Variants in ARHGAP25 observed in about 807,000 individuals in gnomAD.
ARHGAP25 encodes the protein Rho GTPase activating protein 25.
ARHGAP25 carries 34 observed loss-of-function variants against 71.0 expected under a neutral mutation model. The ratio of observed to expected loss-of-function variants is 0.48; its 90% CI spans 0.36 to 0.64. The LOEUF (loss-of-function observed/expected upper bound fraction) is 0.64, where lower values mean the gene tolerates loss of function less well. Among genes scored for constraint, ARHGAP25 ranks in the 30% least tolerant of loss-of-function variants. The pLI is 0.00. For synonymous variants in ARHGAP25, 282 were observed against 296.5 expected, an observed-to-expected ratio of 0.95 and a Z score of 0.50; for missense variants, 706 against 805.1, an observed-to-expected ratio of 0.88 and a Z score of 1.49.
At chr2:68,775,919 T>G in intron 2 of ARHGAP25, 1 of 319,618 alleles carries the variant, frequency 3.1e-6, no homozygotes, top group Non-Finnish European at 6.1e-6. Flanking sequence ...AAGAAAAGTA[T>G]GTAGTTTGTT....
chr2:68,737,784 C>A (rs1184809299), intron 1 of ARHGAP25, among the ~76,000 whole-genome samples: 2 of 152,160 alleles, frequency 1.3e-5, no homozygotes, highest in African/African-American at 4.8e-5. Context: ...GGTGAAATAG[C>A]AAGACACTGA....
rs114701942 is a variant in ARHGAP25 at position 68,824,290 on chromosome 2, T to C, written c.1733+1418T>C. ...TGTCAGAGTCCTCTGAATCCATCAG[T>C]TGGGGAAGCCTCCCATCCCAGGCTC... On this transcript the variant is annotated intron_variant, in intron 10 of 10. Transcript: ENST00000409202. Among the ~76,000 whole-genome samples, 928 of 152,144 alleles carry C rather than the reference T, an allele frequency of 6.1e-3. 11 individuals carry two copies. The highest frequency in any genetic ancestry group is 0.021 in the African/African-American group (860 of 41,496).
intron 4 of ARHGAP25, among the ~76,000 whole-genome samples, chr2:68,798,817 C>T (rs1679757976): frequency 6.6e-6 from 1 of 151,942 alleles, no homozygotes; most frequent in Non-Finnish European, 1.5e-5. Flanking sequence ...GGTCCTGTGA[C>T]AGAAAGAAGA....
intron 5 of ARHGAP25, 109 bp from the exon 6 acceptor site, chr2:68,813,178 C>T: frequency 7.6e-7 from 1 of 1,313,814 alleles, no homozygotes; most frequent in South Asian, 1.6e-5. Flanking sequence ...TGCAAAATTT[C>T]CCTTTGTAAT....
At chr2:68,763,785 A>G (rs1247389913) in intron 1 of ARHGAP25, among the ~76,000 whole-genome samples, 4 of 152,062 alleles carry the variant, frequency 2.6e-5, no homozygotes, top group African/African-American at 4.8e-5. Context: ...TTCTGCAGAA[A>G]CTGTTCTACT....
intron 2 of ARHGAP25, among the ~76,000 whole-genome samples, chr2:68,724,696 C>T (rs1311220397): frequency 2.0e-5 from 3 of 152,212 alleles, no homozygotes; most frequent in Non-Finnish European, 4.4e-5. Flanking sequence ...GTTTACTGGG[C>T]ATCTTTGGCC....
intron 4 of ARHGAP25, among the ~76,000 whole-genome samples, chr2:68,793,548 A>G (rs909975908): frequency 6.6e-6 from 1 of 152,138 alleles, no homozygotes; most frequent in African/African-American, 2.4e-5. Flanking sequence ...TCTCCAGGGT[A>G]TGTTCTTATA....
intron 4 of ARHGAP25, among the ~76,000 whole-genome samples, chr2:68,791,516 A>G (rs887683576): frequency 6.6e-6 from 1 of 151,678 alleles, no homozygotes; most frequent in African/African-American, 2.4e-5. Context: ...GTCGGTGGTG[A>G]GTCTCGGTGG....
At chr2:68,775,146 T>G (rs1427757538) in intron 1 of ARHGAP25, 75 bp from the exon 2 acceptor site, 2 of 1,612,238 alleles carry the variant, frequency 1.2e-6, no homozygotes, top group Admixed American at 3.3e-5. Flanking sequence ...CTGGGGTTCC[T>G]CTCTCCTCTC....
chr2:68,804,432 G>C (rs1220068378), intron 4 of ARHGAP25, among the ~76,000 whole-genome samples: 1 of 152,142 alleles, frequency 6.6e-6, no homozygotes, highest in Non-Finnish European at 1.5e-5. Flanking sequence ...TTTTAAGTCG[G>C]AATATTTCAA....
chr2:68,770,156 G>A (rs767987318), intron 1 of ARHGAP25, among the ~76,000 whole-genome samples: 13 of 152,174 alleles, frequency 8.5e-5, no homozygotes, highest in Admixed American at 3.9e-4. Flanking sequence ...ATGTGTGTCA[G>A]TGTTAGCCAG....
At position 68,826,363 on chromosome 2, in the gene ARHGAP25, G is replaced by A. The variant is rs1682135892; in HGVS notation, c.*169G>A. 1.4e-6 allele frequency: 1 copy of A among 728,226 alleles called. No homozygotes were observed. Among genetic ancestry groups the A allele is most frequent in the Non-Finnish European group, 2.4e-6 (1 of 409,448 alleles). 45.1% of individuals were successfully genotyped at this position (728,226 alleles called of 1,614,324 possible). ...ATGAATGGAGTTTGCAGGAAGGTGA[G>A]GGTGAGCAGAGATGTGTGTGGACAT... On this transcript the variant is annotated 3_prime_UTR_variant, in exon 11 of 11. Coordinates refer to ENST00000409202, the MANE Select transcript of ARHGAP25 (RefSeq NM_001007231.3).
intron 3 of ARHGAP25, among the ~76,000 whole-genome samples, chr2:68,786,370 A>G (rs1362400616): frequency 6.6e-6 from 1 of 152,198 alleles, no homozygotes; most frequent in African/African-American, 2.4e-5. Context: ...GGAATCTTTC[A>G]TGGGAGGAAG....
chr2:68,825,499 T>C (rs1167903381), intron 10 of ARHGAP25, among the ~76,000 whole-genome samples: 1 of 151,810 alleles, frequency 6.6e-6, no homozygotes, highest in Non-Finnish European at 1.5e-5. Flanking sequence ...GGTGTGGTGG[T>C]TCATGCCTGT....
chr2:68,788,537 A>G lies in ARHGAP25; in HGVS notation c.466+581A>G, dbSNP rs1678923658. Among the ~76,000 whole-genome samples the G allele has an allele frequency of 5.3e-5, 8 of 152,344 alleles. No homozygotes were observed. In the South Asian group the frequency reaches 1.7e-3, roughly 32 times the overall value. ...AGCATTCAACACTTTTCTGGGTTTCACAACTCAAGAATTTGAGCTCTCTGG... is the reference window on the plus strand; with the variant it reads ...AGCATTCAACACTTTTCTGGGTTTCGCAACTCAAGAATTTGAGCTCTCTGG... On this transcript the variant is annotated intron_variant, in intron 4 of 10. Transcript: ENST00000409202.
chr2:68,741,603 A>C (rs1675526441), intron 1 of ARHGAP25, among the ~76,000 whole-genome samples: 1 of 152,158 alleles, frequency 6.6e-6, no homozygotes, highest in Non-Finnish European at 1.5e-5. Flanking sequence ...GGGGAGTCTC[A>C]CTATGTTGCC....
At chr2:68,736,412 CATT>C (rs1675223102) in intron 1 of ARHGAP25, among the ~76,000 whole-genome samples, 1 of 152,182 alleles carries the variant, frequency 6.6e-6, no homozygotes, top group African/African-American at 2.4e-5. Context: ...TCCTAACTAT[CATT>C]GATACAAATG....
rs773688130 is a variant in ARHGAP25, at chr2:68,825,985, A to G, written c.1734-2A>G. On this transcript the variant is annotated splice_acceptor_variant, in intron 10 of 10. Coordinates refer to ENST00000409202, the MANE Select transcript of ARHGAP25 (RefSeq NM_001007231.3). LOFTEE classifies it high-confidence loss of function. ...TTCATTCTTTTCTTTCCTTCCTTGT[A>G]GCCTTGAGAAGGAAAATTATGACGT... 6.2e-7 allele frequency: 1 copy of G among 1,608,066 alleles called. No homozygotes were observed. The highest frequency in any genetic ancestry group is 8.5e-7 in the Non-Finnish European group (1 of 1,176,478).
chr2:68,747,461 A>G (rs1675904126), intron 1 of ARHGAP25, among the ~76,000 whole-genome samples: 1 of 152,234 alleles, frequency 6.6e-6, no homozygotes, highest in Non-Finnish European at 1.5e-5. Flanking sequence ...GTATGAGTGT[A>G]CAGGTTTTCT....
Sources: gnomAD v4.1 joint callset for allele counts (sites outside exome capture counted in the v4.1 genomes callset) on GRCh38, gnomAD v4.1.1 for gene constraint, MANE v1.5 for transcripts, NCBI Gene and HGNC (gene_info 2026-07-23, HGNC 2026-07-21) for gene names.